The following NTRK2 variants were observed in gnomAD, a reference collection of about 807,000 sequenced individuals.
NTRK2 encodes the protein BDNF/NT-3 growth factors receptor.
NTRK2 carries 13 observed loss-of-function variants against 94.5 expected under a neutral mutation model. The ratio of observed to expected loss-of-function variants is 0.14; its 90% CI spans 0.09 to 0.22. NTRK2 has a LOEUF of 0.22. NTRK2 is among the 10% of genes least tolerant of loss of function. The pLI, the probability that NTRK2 is intolerant of heterozygous loss-of-function variation, is 1.00. For missense variants in NTRK2, 639 were observed against 1,071.2 expected (o/e 0.60, Z 5.63); for synonymous variants, 372 against 407.4 (o/e 0.91, Z 1.05).
At chr9:84,795,534 C>A (rs1053530511) in intron 12 of NTRK2, among the ~76,000 whole-genome samples, 1 of 152,092 alleles carries the variant, frequency 6.6e-6, no homozygotes, top group African/African-American at 2.4e-5. Flanking sequence ...GAAGAGGGGA[C>A]CTATGTGTGG....
At chr9:84,795,285 C>A (rs1373960397) in intron 12 of NTRK2, among the ~76,000 whole-genome samples, 2 of 152,142 alleles carry the variant, frequency 1.3e-5, no homozygotes, top group African/African-American at 2.4e-5. Flanking sequence ...ACTGCTGACA[C>A]TTTCAGACCT....
intron 12 of NTRK2, among the ~76,000 whole-genome samples, chr9:84,780,338 C>T (rs963046792): frequency 6.6e-6 from 1 of 152,094 alleles, no homozygotes; most frequent in African/African-American, 2.4e-5. Context: ...CCTTATGTCT[C>T]AGAAAACCTA....
intron 11 of NTRK2, 95 bp downstream of exon 11, chr9:84,745,168 G>A: frequency 1.2e-6 from 1 of 847,862 alleles, no homozygotes; most frequent in Non-Finnish European, 2.0e-6. Context: ...CACTTTTATT[G>A]TTCAGATATA....
At chr9:84,937,241 C>T (rs1332014157) in intron 15 of NTRK2, among the ~76,000 whole-genome samples, 2 of 152,160 alleles carry the variant, frequency 1.3e-5, no homozygotes, top group African/African-American at 4.8e-5. Context: ...GAGTGACTGC[C>T]GGGCTTGCTC....
intron 14 of NTRK2, among the ~76,000 whole-genome samples, chr9:84,896,212 G>A (rs1313154563): frequency 6.6e-6 from 1 of 152,222 alleles, no homozygotes; most frequent in Admixed American, 6.5e-5. Context: ...TCATTAGGGT[G>A]AACAAGCATG....
At chr9:84,939,567 G>A (rs2132780246) in intron 15 of NTRK2, among the ~76,000 whole-genome samples, 1 of 152,142 alleles carries the variant, frequency 6.6e-6, no homozygotes, top group Non-Finnish European at 1.5e-5. Flanking sequence ...ATTTTCCCAA[G>A]TAGAAATTTA....
intron 14 of NTRK2, among the ~76,000 whole-genome samples, chr9:84,926,326 G>A (rs576706619): frequency 5.3e-5 from 8 of 151,686 alleles, no homozygotes; most frequent in Admixed American, 4.6e-4. Context: ...TCTCCCTCCC[G>A]GGTTCAAGCG....
chr9:84,766,956 T>G (rs1009414953), intron 12 of NTRK2, among the ~76,000 whole-genome samples: 2 of 152,188 alleles, frequency 1.3e-5, no homozygotes, highest in Non-Finnish European at 2.9e-5. Flanking sequence ...TTGAGGTTTC[T>G]AGGTGTCTGC....
chr9:84,795,424 C>G (rs1453333933), intron 12 of NTRK2, among the ~76,000 whole-genome samples: 1 of 152,200 alleles, frequency 6.6e-6, no homozygotes, highest in African/African-American at 2.4e-5. Flanking sequence ...TTCTAACTTA[C>G]TGCCCTGGGC....
At chr9:84,862,053 C>T (rs1057195427) in intron 13 of NTRK2, among the ~76,000 whole-genome samples, 7 of 152,128 alleles carry the variant, frequency 4.6e-5, no homozygotes, top group Admixed American at 3.3e-4. Flanking sequence ...AATGACCAGC[C>T]GGCTGAGGCA....
chr9:84,960,171 G>A (rs769228255), intron 17 of NTRK2, among the ~76,000 whole-genome samples: 1 of 152,240 alleles, frequency 6.6e-6, no homozygotes, highest in African/African-American at 2.4e-5. Flanking sequence ...TTAAAGAGAT[G>A]TCAGCAACAG....
chr9:84,771,959 C>T (rs1288571546), intron 12 of NTRK2, among the ~76,000 whole-genome samples: 3 of 152,000 alleles, frequency 2.0e-5, no homozygotes, highest in African/African-American at 7.3e-5. Flanking sequence ...GTATTTTTGC[C>T]TTTGAGGCAA....
chr9:84,949,967 C>G (rs2078724907), intron 16 of NTRK2, among the ~76,000 whole-genome samples: 1 of 152,150 alleles, frequency 6.6e-6, no homozygotes, highest in Non-Finnish European at 1.5e-5. Flanking sequence ...GGAGACCATG[C>G]TGCGTGATGA....
chr9:84,909,890 C>T lies in NTRK2; in HGVS notation c.1634-24272C>T, dbSNP rs189489104. The stretch of plus-strand genomic sequence containing the variant: ...CCCAGTGTGTAGCTTGTCTTTTCAT[C>T]ATTTTAACAGGATAAAAATGTAAAG... On this transcript the variant is annotated intron_variant, in intron 14 of 18. Coordinates refer to ENST00000277120, the MANE Select transcript of NTRK2 (RefSeq NM_006180.6). 4.3e-4 allele frequency among the ~76,000 whole-genome samples: 66 copies of T among 152,166 alleles called. 1 individual carries two copies. Among genetic ancestry groups the T allele is most frequent in the African/African-American group, 1.5e-3 (64 of 41,522 alleles).
At chr9:84,869,624 T>G (rs1431297405) in intron 14 of NTRK2, among the ~76,000 whole-genome samples, 1 of 152,136 alleles carries the variant, frequency 6.6e-6, no homozygotes, top group Non-Finnish European at 1.5e-5. Context: ...GTATGAGCAC[T>G]CTCATGTGTT....
At chr9:84,670,100 G>A (rs2058607523) in intron 1 of NTRK2, among the ~76,000 whole-genome samples, 1 of 152,038 alleles carries the variant, frequency 6.6e-6, no homozygotes, top group Admixed American at 6.5e-5. Flanking sequence ...AGGGTCCTTC[G>A]CCCGGCCTGT....
At chr9:84,777,366 G>T (rs1167688533) in intron 12 of NTRK2, among the ~76,000 whole-genome samples, 1 of 152,124 alleles carries the variant, frequency 6.6e-6, no homozygotes, top group Non-Finnish European at 1.5e-5. Flanking sequence ...ATAAATTGGG[G>T]TTAATAATCA....
chr9:84,880,052 T>C (rs2132197426), intron 14 of NTRK2, among the ~76,000 whole-genome samples: 1 of 152,352 alleles, frequency 6.6e-6, no homozygotes, highest in South Asian at 2.1e-4. Flanking sequence ...TATGTAAAAT[T>C]CCACTTTTTC....
intron 17 of NTRK2, among the ~76,000 whole-genome samples, chr9:85,010,454 C>G (rs1432041038): frequency 6.6e-6 from 1 of 152,158 alleles, no homozygotes; most frequent in Non-Finnish European, 1.5e-5. Flanking sequence ...CCATGAAAAG[C>G]TCGGTAACAT....
Sources: allele counts gnomAD v4.1 joint callset (sites outside exome capture counted in the v4.1 genomes callset), GRCh38; gene constraint gnomAD v4.1.1; transcripts MANE v1.5; gene names NCBI Gene and HGNC (gene_info 2026-07-23, HGNC 2026-07-21).